FUT8: variants seen among roughly 807,000 people sequenced by gnomAD.
FUT8 encodes the protein fucosyltransferase 8.
Under a neutral mutation model 71.3 loss-of-function variants are expected in FUT8, and 29 were observed. The ratio of observed to expected loss-of-function variants is 0.41; its 90% CI spans 0.30 to 0.55. FUT8 has a LOEUF of 0.55. Among genes scored for constraint, FUT8 ranks in the 20% least tolerant of loss-of-function variants. The pLI, the probability that FUT8 is intolerant of heterozygous loss-of-function variation, is 0.34. For missense variants in FUT8, 544 were observed against 702.1 expected, an observed-to-expected ratio of 0.77 and a Z score of 2.55; for synonymous variants, 254 against 239.3, an observed-to-expected ratio of 1.06 and a Z score of -0.57.
At chr14:65,424,109 G>T (rs1446751713) in intron 1 of FUT8, among the ~76,000 whole-genome samples, 1 of 152,176 alleles carries the variant, frequency 6.6e-6, no homozygotes, top group Admixed American at 6.5e-5. Context: ...GAGGTTTATA[G>T]TATCGTACTA....
chr14:65,677,934 G>A (rs118119142), intron 7 of FUT8, among the ~76,000 whole-genome samples: 1 of 152,256 alleles, frequency 6.6e-6, no homozygotes, highest in Non-Finnish European at 1.5e-5. Context: ...CCATGAGCTG[G>A]GCTCTTAGAG....
At chr14:65,578,788 GAATTAC>G (rs1412810584) in intron 3 of FUT8, among the ~76,000 whole-genome samples, 1 of 152,122 alleles carries the variant, frequency 6.6e-6, no homozygotes, top group African/African-American at 2.4e-5. Flanking sequence ...GCTAGCCTGT[GAATTAC>G]AATGGCTACA....
intron 9 of FUT8, among the ~76,000 whole-genome samples, chr14:65,728,486 G>A (rs1465512871): frequency 2.0e-5 from 3 of 152,124 alleles, no homozygotes; most frequent in South Asian, 2.1e-4. Context: ...AGAACAGCAC[G>A]GGAAAGGTTT....
At chr14:65,366,341 G>A in the FUT8 span, among the ~76,000 whole-genome samples, 1 of 152,198 alleles carries the variant, frequency 6.6e-6, no homozygotes, top group Non-Finnish European at 1.5e-5. Flanking sequence ...GCATCTCTGA[G>A]GAAGTGAGAT....
At chr14:65,487,583 A>C (rs139991601) in intron 2 of FUT8, among the ~76,000 whole-genome samples, 2,859 of 151,560 alleles carry the variant, frequency 0.019, 35 homozygotes, top group Non-Finnish European at 0.027. Flanking sequence ...AAAAAAAAAA[A>C]AACTCAGTTT....
chr14:65,554,433 T>A (rs949876193), intron 2 of FUT8, among the ~76,000 whole-genome samples: 8 of 143,492 alleles, frequency 5.6e-5, no homozygotes, highest in African/African-American at 1.3e-4. Flanking sequence ...TATATATATA[T>A]TATATATATA....
rs1330391988 is a variant in FUT8 at position 65,643,930 on chromosome 14, A to G, written c.597+14324A>G. On this transcript the variant is annotated intron_variant, in intron 6 of 10. Coordinates refer to ENST00000673929, the MANE Select transcript of FUT8 (RefSeq NM_001371533.1). The surrounding 1 kb of genome is among the most constrained non-coding windows in gnomAD (Gnocchi z 4.5). ...AAATATGCCTCATTTTTTTCAAGAA[A>G]TGGCAGGTTTCGCTATAGTTCGACT... Among the ~76,000 whole-genome samples, 1 of 152,094 alleles carries G rather than the reference A, an allele frequency of 6.6e-6. No individual in the cohort carries two copies. Among genetic ancestry groups the G allele is most frequent in the Non-Finnish European group, 1.5e-5 (1 of 68,010 alleles).
At chr14:65,733,461 GTGT>G in intron 10 of FUT8, 80 bp downstream of exon 10, 2 of 1,034,526 alleles carry the variant, frequency 1.9e-6, no homozygotes, top group Middle Eastern at 4.4e-4. Flanking sequence ...GTGTGTCTAT[GTGT>G]TGTTAATGTT....
In FUT8 at chr14:65,560,645, C is replaced by A. The variant is rs60189771; in HGVS notation, c.-227-692C>A. ...ATTTGTAGTTTAAGATGCACAGTAA[C>A]TAAGATGTAACTGGTGCTAGACGTT... On this transcript the variant is annotated intron_variant, in intron 2 of 10. Coordinates refer to ENST00000673929, the MANE Select transcript of FUT8 (RefSeq NM_001371533.1). 2.3e-3 allele frequency among the ~76,000 whole-genome samples: 355 copies of A among 152,258 alleles called. 5 individuals are homozygous for A. The highest frequency in any genetic ancestry group is 0.014 in the Middle Eastern group (4 of 294).
chr14:65,363,324 G>C, the FUT8 span, among the ~76,000 whole-genome samples: 1 of 41,740 alleles, frequency 2.4e-5, no homozygotes. Context: ...GTTTCACCCT[G>C]TTGGTCAGGC....
intron 5 of FUT8, among the ~76,000 whole-genome samples, chr14:65,621,545 C>T (rs550523717): frequency 7.3e-5 from 11 of 151,588 alleles, no homozygotes; most frequent in African/African-American, 1.5e-4. Flanking sequence ...TGAGCCACCA[C>T]GCCTGGCCTA....
intron 2 of FUT8, among the ~76,000 whole-genome samples, chr14:65,501,203 C>CCTGT (rs2066640738): frequency 6.6e-6 from 1 of 152,098 alleles, no homozygotes; most frequent in Non-Finnish European, 1.5e-5. Context: ...CATAGTAAGA[C>CCTGT]CTGTCTCTAC....
rs79219754 is a variant in FUT8, at chr14:65,471,683, A to T, written c.-228+15965A>T. The stretch of plus-strand genomic sequence containing the variant: ...GTCTTGTCTCTCCAGGTTTTAGAGC[A>T]GCAGTTTGCCCTCTGACCTCAATTC... On this transcript the variant is annotated intron_variant, in intron 2 of 10. Coordinates refer to ENST00000673929, the MANE Select transcript of FUT8 (RefSeq NM_001371533.1). 5.7e-3 allele frequency among the ~76,000 whole-genome samples: 862 copies of T among 151,570 alleles called. 30 individuals are homozygous for T. In the East Asian group the frequency reaches 0.092, roughly 16 times the overall value.
At chr14:65,458,838 G>C (rs2139574125) in intron 2 of FUT8, among the ~76,000 whole-genome samples, 1 of 149,282 alleles carries the variant, frequency 6.7e-6, no homozygotes, top group East Asian at 2.0e-4. Flanking sequence ...ACTCAGGCTG[G>C]AGTGCAGTGG....
intron 10 of FUT8, among the ~76,000 whole-genome samples, chr14:65,736,426 G>T: frequency 6.6e-6 from 1 of 151,378 alleles, no homozygotes; most frequent in East Asian, 1.9e-4. Flanking sequence ...CATTAGCTCT[G>T]CTTGTGGTTA....
At chr14:65,618,365 G>T (rs1176385430) in intron 5 of FUT8, among the ~76,000 whole-genome samples, 1 of 151,980 alleles carries the variant, frequency 6.6e-6, no homozygotes, top group Non-Finnish European at 1.5e-5. Context: ...TGTTGTTGTT[G>T]TTGAATTATG....
At chr14:65,647,322 C>T (rs903058248) in intron 6 of FUT8, among the ~76,000 whole-genome samples, 5 of 152,112 alleles carry the variant, frequency 3.3e-5, no homozygotes, top group Admixed American at 2.0e-4. Context: ...TTGTAAGCTG[C>T]CATTTCTGAG....
At chr14:65,507,711 A>C (rs2066758600) in intron 2 of FUT8, among the ~76,000 whole-genome samples, 1 of 152,230 alleles carries the variant, frequency 6.6e-6, no homozygotes. Flanking sequence ...GCTAATGGAC[A>C]CTTAGCTTGC....
At chr14:65,383,377 C>T in the FUT8 span, among the ~76,000 whole-genome samples, 4 of 147,246 alleles carry the variant, frequency 2.7e-5, no homozygotes, top group African/African-American at 7.5e-5. Context: ...GAGGTTCAAG[C>T]GATTCTCCTG....
Sources: gnomAD v4.1 joint callset for allele counts (sites outside exome capture counted in the v4.1 genomes callset) on GRCh38, gnomAD v4.1.1 for gene constraint, Gnocchi (gnomAD v3.1) non-coding constraint, MANE v1.5 for transcripts, NCBI Gene and HGNC (gene_info 2026-07-23, HGNC 2026-07-21) for gene names.